MRC1: variants seen among roughly 807,000 people sequenced by gnomAD.
MRC1 encodes the protein mannose receptor C-type 1.
MRC1 carries 62 observed loss-of-function variants against 102.9 expected under a neutral mutation model. That is an observed-to-expected ratio of 0.60 (90% confidence interval 0.49 to 0.74). MRC1 has a LOEUF of 0.74. Among genes scored for constraint, MRC1 ranks in the 30% least tolerant of loss-of-function variants. MRC1 has a pLI of 0.00. For missense variants in MRC1, 1,237 were observed against 862.8 expected (o/e 1.43, Z -5.43); for synonymous variants, 457 against 298.4 (o/e 1.53, Z -5.48).
In MRC1 at chr10:17,865,074, C is replaced by A. The variant is rs939752666; in HGVS notation, c.1783+1392C>A. ...TTTATACAGTGATATCACTAGCACA[C>A]AACATTGTTTAATATGACAACACAC... On this transcript the variant is annotated intron_variant, in intron 11 of 29. Transcript: ENST00000569591. Among the ~76,000 whole-genome samples the A allele has an allele frequency of 1.2e-3, 185 of 152,286 alleles. 1 individual carries two copies. The highest frequency in any genetic ancestry group is 4.2e-3 in the African/African-American group (175 of 41,558).
At chr10:17,883,592 T>C (rs1330711535) in intron 21 of MRC1, among the ~76,000 whole-genome samples, 5 of 152,192 alleles carry the variant, frequency 3.3e-5, no homozygotes, top group African/African-American at 1.2e-4. Flanking sequence ...TTTTATGAGA[T>C]TGTTTGTTCA....
At chr10:17,887,523 A>C (rs1214710117) in intron 22 of MRC1, among the ~76,000 whole-genome samples, 1 of 152,268 alleles carries the variant, frequency 6.6e-6, no homozygotes, top group East Asian at 1.9e-4. Flanking sequence ...CGAAAGTAGA[A>C]TGGAGCGAGA....
chr10:17,844,535 G>C (rs1838797721), intron 5 of MRC1, among the ~76,000 whole-genome samples: 1 of 152,102 alleles, frequency 6.6e-6, no homozygotes, highest in African/African-American at 2.4e-5. Context: ...AATGTTTAGT[G>C]TGGCAGGTTT....
intron 8 of MRC1, among the ~76,000 whole-genome samples, chr10:17,855,627 C>G (rs1277487320): frequency 2.7e-5 from 4 of 150,192 alleles, no homozygotes; most frequent in Non-Finnish European, 5.9e-5. Context: ...TTGCGAGCAC[C>G]GTCATCCAAG....
chr10:17,878,046 T>G, intron 18 of MRC1, 79 bp downstream of exon 18: 2 of 814,482 alleles, frequency 2.5e-6, no homozygotes, highest in Non-Finnish European at 4.3e-6. Context: ...GAGATTTTTC[T>G]TTGTGGAATG....
At chr10:17,825,517 G>A (rs1838462207) in intron 2 of MRC1, among the ~76,000 whole-genome samples, 1 of 152,148 alleles carries the variant, frequency 6.6e-6, no homozygotes. Flanking sequence ...AAGGCAAGAG[G>A]ATCACTTGAT....
chr10:17,870,073 T>C (rs1158561392), intron 12 of MRC1, among the ~76,000 whole-genome samples, 173 bp from the exon 13 acceptor site: 1 of 152,324 alleles, frequency 6.6e-6, no homozygotes, highest in South Asian at 2.1e-4. Context: ...CAAGTTTTGT[T>C]ACCCAACTAT....
At chr10:17,846,332 C>T (rs1838825510) in intron 6 of MRC1, among the ~76,000 whole-genome samples, 1 of 131,244 alleles carries the variant, frequency 7.6e-6, no homozygotes, top group African/African-American at 2.9e-5. Flanking sequence ...TGATGAAAGA[C>T]AAACTACATA....
At chr10:17,894,713 TTTTATTTTAC>T (rs1403695216) in intron 23 of MRC1, among the ~76,000 whole-genome samples, 2 of 152,098 alleles carry the variant, frequency 1.3e-5, no homozygotes, top group African/African-American at 4.8e-5. Context: ...TTTTATTTTA[TTTTATTTTAC>T]TTTAAGTTCC....
chr10:17,846,701 T>G (rs4747330), intron 6 of MRC1, among the ~76,000 whole-genome samples: 2 of 152,134 alleles, frequency 1.3e-5, no homozygotes, highest in Non-Finnish European at 1.5e-5. Context: ...GTTTTTATCC[T>G]AAGTTTTCCA....
Position 17,809,778 on chromosome 10 carries a change from T to C in MRC1, c.61+252T>C, listed in dbSNP as rs1345666033. On this transcript the variant is annotated intron_variant, in intron 1 of 29. Transcript: ENST00000569591. ...GCCCTGCCGGGAACCCTACAGACCT[T>C]CAGTGTCCTCCTGACTTCTCTCATC... Among the ~76,000 whole-genome samples, 8 of 152,260 alleles carry C rather than the reference T, an allele frequency of 5.3e-5. No homozygotes were observed. In the East Asian group the frequency reaches 1.5e-3, roughly 29 times the overall value.
chr10:17,823,665 G>A (rs181242111), intron 2 of MRC1, among the ~76,000 whole-genome samples, 190 bp downstream of exon 2: 13,214 of 152,264 alleles, frequency 0.087, 770 homozygotes, highest in Non-Finnish European at 0.13. Context: ...TGATTAAAAA[G>A]TCCTGAATGA....
In MRC1 at chr10:17,902,022, A is replaced by G; in HGVS notation, c.3699A>G (p.Ser1233=). ...PPQLPGRCPE[S]DHTAWIPFHG... Reference sequence around the variant, plus strand: ...AACTGCCTGGCAGATGCCCGGAGTCAGATCACACAGCATGGATTCCTTTCC... The same window carrying G: ...AACTGCCTGGCAGATGCCCGGAGTCGGATCACACAGCATGGATTCCTTTCC... The change falls in exon 26 of 30, where the codon TCA becomes TCG. Residue 1233 remains serine, a synonymous_variant. Coordinates refer to ENST00000569591, the MANE Select transcript of MRC1 (RefSeq NM_002438.4). The G allele has an allele frequency of 1.3e-6, 1 of 780,830 alleles. No individual in the cohort carries two copies. Among genetic ancestry groups the G allele is most frequent in the South Asian group, 1.3e-5 (1 of 74,614 alleles). 48.4% of individuals were successfully genotyped at this position (780,830 alleles called of 1,614,324 possible). A position where few individuals can be genotyped will look rare whatever the true frequency, so the allele number is the denominator to read the frequency against.
At chr10:17,820,767 T>C (rs552786939) in intron 1 of MRC1, among the ~76,000 whole-genome samples, 1 of 152,200 alleles carries the variant, frequency 6.6e-6, no homozygotes, top group Non-Finnish European at 1.5e-5. Flanking sequence ...TACATATATC[T>C]ATGGCAAAAG....
intron 21 of MRC1, among the ~76,000 whole-genome samples, chr10:17,881,615 G>C (rs926247013): frequency 6.7e-6 from 1 of 149,636 alleles, no homozygotes; most frequent in African/African-American, 2.5e-5. Flanking sequence ...CTTGATCATA[G>C]AACTTGTAAT....
rs1833820100 is a variant in MRC1, at chr10:17,900,890, G to T, written c.3586G>T (p.Asp1196Tyr). ...ATCAGCATGTGTTTATCTGGATCTTGATGGCTACTGGAAGACAGCACATTG... is the reference window on the plus strand; with the variant it reads ...ATCAGCATGTGTTTATCTGGATCTTTATGGCTACTGGAAGACAGCACATTG... ...LKSACVYLDL[D>Y]GYWKTAHCNE... Residue 1196 changes from aspartate to tyrosine, a missense_variant, in exon 25 of 30, where the codon GAT (aspartate) becomes TAT (tyrosine). By Grantham distance (160) the Asp-to-Tyr change is radical. Coordinates refer to ENST00000569591, the MANE Select transcript of MRC1 (RefSeq NM_002438.4). 1 of 780,692 alleles carries T rather than the reference G, an allele frequency of 1.3e-6. No individual in the cohort carries two copies. The highest frequency in any genetic ancestry group is 1.7e-5 in the African/African-American group (1 of 59,144). 48.4% of individuals were successfully genotyped at this position (780,692 alleles called of 1,614,324 possible).
chr10:17,849,174 GC>G (rs1463979809), intron 6 of MRC1, among the ~76,000 whole-genome samples: 1 of 151,084 alleles, frequency 6.6e-6, no homozygotes, highest in Middle Eastern at 3.2e-3. Context: ...AGTGGCTTAT[GC>G]CCTGTAGTAG....
At chr10:17,901,455 G>A (rs1368144412) in intron 25 of MRC1, among the ~76,000 whole-genome samples, 1 of 152,178 alleles carries the variant, frequency 6.6e-6, no homozygotes, top group African/African-American at 2.4e-5. Context: ...TCGGGAGGCC[G>A]AGGCGGGCAG....
chr10:17,904,748 C>T (rs1168569500), intron 26 of MRC1, among the ~76,000 whole-genome samples: 2 of 152,172 alleles, frequency 1.3e-5, no homozygotes, highest in Non-Finnish European at 2.9e-5. Flanking sequence ...CAGCCAGATG[C>T]AAGAACTTAG....
Sources: gnomAD v4.1 joint callset for allele counts (sites outside exome capture counted in the v4.1 genomes callset) on GRCh38, gnomAD v4.1.1 for gene constraint, MANE v1.5 for transcripts, NCBI Gene and HGNC (gene_info 2026-07-23, HGNC 2026-07-21) for gene names.